KCNQ5: variants seen among roughly 807,000 people sequenced by gnomAD.
KCNQ5 encodes the protein potassium voltage-gated channel subfamily KQT member 5.
In KCNQ5, 30 loss-of-function variants were observed where a neutral mutation model predicts 98.2. The ratio of observed to expected loss-of-function variants is 0.31; its 90% CI spans 0.23 to 0.41. The LOEUF is 0.41. KCNQ5 is among the 10% of genes least tolerant of loss of function. KCNQ5 has a pLI of 1.00. For missense variants in KCNQ5, 835 were observed against 1,182.5 expected, an observed-to-expected ratio of 0.71 and a Z score of 4.31; for synonymous variants, 458 against 449.4, an observed-to-expected ratio of 1.02 and a Z score of -0.24.
intron 1 of KCNQ5, among the ~76,000 whole-genome samples, chr6:72,864,224 T>A (rs1217350352): frequency 1.3e-5 from 2 of 152,184 alleles, no homozygotes; most frequent in South Asian, 2.1e-4. Flanking sequence ...CATGCCTATA[T>A]CCCATGAACA....
chr6:72,982,399 C>A (rs921272514), intron 1 of KCNQ5, among the ~76,000 whole-genome samples: 2 of 151,652 alleles, frequency 1.3e-5, no homozygotes, highest in African/African-American at 4.9e-5. Context: ...ATCCCTTTAC[C>A]ATTATGTAAT....
chr6:73,103,485 T>TG (rs59446982), intron 5 of KCNQ5, among the ~76,000 whole-genome samples: 25 of 150,914 alleles, frequency 1.7e-4, no homozygotes, highest in African/African-American at 1.5e-4. Flanking sequence ...GGGCCTGTCA[T>TG]GGGGGGGGGG....
chr6:72,810,928 G>A (rs1279400040), intron 1 of KCNQ5, among the ~76,000 whole-genome samples: 1 of 152,164 alleles, frequency 6.6e-6, no homozygotes, highest in Non-Finnish European at 1.5e-5. Context: ...TGCCTAACCT[G>A]GAGATGCTAA....
chr6:72,946,930 A>G (rs1223759815), intron 1 of KCNQ5, among the ~76,000 whole-genome samples: 1 of 152,216 alleles, frequency 6.6e-6, no homozygotes, highest in African/African-American at 2.4e-5. Context: ...TGTAATCATG[A>G]CCAGTCCCCA....
chr6:72,658,889 A>G (rs1217787625), intron 1 of KCNQ5, among the ~76,000 whole-genome samples: 3 of 152,224 alleles, frequency 2.0e-5, no homozygotes, highest in East Asian at 3.9e-4. Context: ...CTACCCAAAT[A>G]TATTTCATGA....
At chr6:72,701,882 C>G (rs1431065894) in intron 1 of KCNQ5, among the ~76,000 whole-genome samples, 1 of 151,870 alleles carries the variant, frequency 6.6e-6, no homozygotes, top group Non-Finnish European at 1.5e-5. Flanking sequence ...TCTGTAGAGA[C>G]AGGGTTTTGC....
At chr6:73,142,229 TAC>T (rs141114689) in intron 10 of KCNQ5, among the ~76,000 whole-genome samples, 1,618 of 151,870 alleles carry the variant, frequency 0.011, 33 homozygotes, top group African/African-American at 0.037. Context: ...ACCAACCCTG[TAC>T]AGTGTAGGCA....
chr6:72,985,021 A>C (rs1234645836), intron 1 of KCNQ5, among the ~76,000 whole-genome samples: 1 of 152,224 alleles, frequency 6.6e-6, no homozygotes, highest in Non-Finnish European at 1.5e-5. Flanking sequence ...CCTGGGCAAC[A>C]AAGTGAGACT....
intron 1 of KCNQ5, among the ~76,000 whole-genome samples, chr6:72,773,945 C>T (rs894458439): frequency 6.6e-6 from 1 of 151,968 alleles, no homozygotes; most frequent in Non-Finnish European, 1.5e-5. Flanking sequence ...ATAGAGATTC[C>T]AGAAGCAGAC....
At chr6:73,077,690 C>A in intron 4 of KCNQ5, 72 bp from the exon 5 acceptor site, 3 of 1,398,412 alleles carry the variant, frequency 2.1e-6, no homozygotes, top group Non-Finnish European at 2.0e-6. Context: ...TGAATAGAAT[C>A]CTCATAGAAT....
intron 1 of KCNQ5, among the ~76,000 whole-genome samples, chr6:72,744,813 A>T (rs1771300490): frequency 6.6e-6 from 1 of 152,158 alleles, no homozygotes; most frequent in South Asian, 2.1e-4. Context: ...CCGTCTAAAA[A>T]AAAAAAGAAA....
chr6:72,636,772 A>T (rs2098924386), intron 1 of KCNQ5, among the ~76,000 whole-genome samples: 1 of 152,242 alleles, frequency 6.6e-6, no homozygotes, highest in Non-Finnish European at 1.5e-5. Context: ...ATTTTCATCT[A>T]GAAAGATATT....
intron 1 of KCNQ5, among the ~76,000 whole-genome samples, chr6:72,784,878 G>A (rs1021237431): frequency 6.6e-6 from 1 of 152,208 alleles, no homozygotes; most frequent in African/African-American, 2.4e-5. Flanking sequence ...TACCCCAGAA[G>A]AGAGAAAGTG....
chr6:72,903,633 A>G (rs540974976), intron 1 of KCNQ5, among the ~76,000 whole-genome samples: 3 of 152,162 alleles, frequency 2.0e-5, no homozygotes, highest in South Asian at 4.1e-4. Context: ...ATGTATTTGC[A>G]TGGTTTTGAA....
intron 1 of KCNQ5, among the ~76,000 whole-genome samples, chr6:72,681,590 G>C (rs1206910857): frequency 1.3e-5 from 2 of 152,108 alleles, no homozygotes; most frequent in African/African-American, 2.4e-5. Flanking sequence ...CCATAATATT[G>C]ATGATAATAT....
At position 73,006,531 on chromosome 6, in the gene KCNQ5, T is replaced by C. The variant is rs1219990725; in HGVS notation, c.489+2533T>C. 1.3e-5 allele frequency among the ~76,000 whole-genome samples: 2 copies of C among 152,046 alleles called. 1 individual carries two copies. ...ATCTGGGTGTGGTGGCATACACCTG[T>C]AATCCCAGCTATTTGTGAGGCTGAG... On this transcript the variant is annotated intron_variant, in intron 2 of 13. Coordinates refer to ENST00000370398, the MANE Select transcript of KCNQ5 (RefSeq NM_019842.4).
At chr6:73,103,379 G>A (rs796850753) in intron 5 of KCNQ5, among the ~76,000 whole-genome samples, 57 of 152,132 alleles carry the variant, frequency 3.7e-4, no homozygotes, top group Admixed American at 9.2e-4. Context: ...GCAAACTATC[G>A]CAAGGACAGA....
intron 1 of KCNQ5, among the ~76,000 whole-genome samples, chr6:72,904,602 C>T (rs540445039): frequency 1.5e-4 from 23 of 152,160 alleles, no homozygotes; most frequent in African/African-American, 4.6e-4. Flanking sequence ...CTGAAAAAGA[C>T]GATCTTTCCT....
intron 1 of KCNQ5, among the ~76,000 whole-genome samples, chr6:72,625,998 A>G (rs1278845849): frequency 1.3e-5 from 2 of 152,216 alleles, no homozygotes; most frequent in Non-Finnish European, 2.9e-5. Flanking sequence ...CCCCTTGCCT[A>G]AAATATTTCC....
Sources: allele counts gnomAD v4.1 joint callset (sites outside exome capture counted in the v4.1 genomes callset), GRCh38; gene constraint gnomAD v4.1.1; transcripts MANE v1.5; gene names NCBI Gene and HGNC (gene_info 2026-07-23, HGNC 2026-07-21).